Variants in TCF4 observed in about 807,000 individuals in gnomAD.
TCF4 encodes the protein transcription factor 4, also known as SL3-3 enhancer factor 2.
In TCF4, 3 loss-of-function variants were observed where a neutral mutation model predicts 82.1. The ratio of observed to expected loss-of-function variants is 0.04; its 90% confidence interval spans 0.02 to 0.09. TCF4 has a LOEUF of 0.09. Ranked by LOEUF, TCF4 falls within the 10% of genes least tolerant of loss-of-function variation. The probability of loss-of-function intolerance (pLI) is 1.00; values close to 1 mark genes in which losing one functional copy is unlikely to be tolerated. For missense variants in TCF4, 518 were observed against 852.7 expected, an observed-to-expected ratio of 0.61 and a Z score of 4.89; for synonymous variants, 276 against 309.6, an observed-to-expected ratio of 0.89 and a Z score of 1.14.
intron 6 of TCF4, among the ~76,000 whole-genome samples, chr18:55,391,300 G>A (rs1330894330): frequency 2.0e-5 from 3 of 152,046 alleles, no homozygotes; most frequent in African/African-American, 7.2e-5. Flanking sequence ...TGCAAGTTAA[G>A]GTGTATTCCC....
intron 3 of TCF4, among the ~76,000 whole-genome samples, chr18:55,538,759 A>C (rs577403804): frequency 1.3e-5 from 2 of 152,338 alleles, no homozygotes; most frequent in African/African-American, 4.8e-5. Flanking sequence ...ATGAACACCA[A>C]ATCACTCTTC....
At chr18:55,351,044 T>C in intron 6 of TCF4, 41 bp from the exon 7 acceptor site, 2 of 1,612,138 alleles carry the variant, frequency 1.2e-6, no homozygotes, top group Non-Finnish European at 1.7e-6. Context: ...TAAGGTTAAT[T>C]TTTTACTTTC....
chr18:55,349,442 A>C (rs2081883323), intron 8 of TCF4, among the ~76,000 whole-genome samples: 1 of 152,156 alleles, frequency 6.6e-6, no homozygotes, highest in South Asian at 2.1e-4. Flanking sequence ...AAGAAATCTA[A>C]ATATGATTTT....
At chr18:55,271,850 G>A (rs1353803206) in intron 10 of TCF4, among the ~76,000 whole-genome samples, 6 of 152,142 alleles carry the variant, frequency 3.9e-5, no homozygotes, top group Non-Finnish European at 7.4e-5. Context: ...TAACAAAATG[G>A]AGGAAAAGAA....
chr18:55,371,893 C>T (rs2089322570), intron 6 of TCF4, among the ~76,000 whole-genome samples: 4 of 152,132 alleles, frequency 2.6e-5, no homozygotes, highest in Admixed American at 2.6e-4. Context: ...GCTGCTTATA[C>T]ATAGCAGATG....
At chr18:55,502,925 AC>A (rs1365002336) in intron 3 of TCF4, among the ~76,000 whole-genome samples, 12 of 152,222 alleles carry the variant, frequency 7.9e-5, no homozygotes, top group Non-Finnish European at 1.3e-4. Context: ...GAGATATTCA[AC>A]CTTACAGTGG....
rs776916279 is a variant in TCF4, at chr18:55,327,215, G to A, written c.549+23144C>T. Among the ~76,000 whole-genome samples the A allele has an allele frequency of 3.3e-5, 5 of 151,736 alleles. No individual in the cohort carries two copies. In the East Asian group the frequency reaches 5.8e-4, roughly 18 times the overall value. ...TTAAATTTTTTTTCAATATACACAC[G>A]TATCTGGAGAAAATATTTATCTCAG... On this transcript the variant is annotated intron_variant, in intron 8 of 19. Transcript: ENST00000354452.
At chr18:55,477,311 G>A (rs2096311398) in intron 3 of TCF4, among the ~76,000 whole-genome samples, 1 of 152,200 alleles carries the variant, frequency 6.6e-6, no homozygotes. Flanking sequence ...AAAATTGGTA[G>A]ATGCCCTATA....
intron 3 of TCF4, among the ~76,000 whole-genome samples, chr18:55,570,835 T>C (rs979241463): frequency 5.3e-5 from 8 of 149,752 alleles, no homozygotes; most frequent in Admixed American, 5.3e-4. Flanking sequence ...TGAGCCGAGG[T>C]TGCAAAACTG....
At chr18:55,529,248 T>G (rs1328951744) in intron 3 of TCF4, among the ~76,000 whole-genome samples, 1 of 152,152 alleles carries the variant, frequency 6.6e-6, no homozygotes, top group Non-Finnish European at 1.5e-5. Flanking sequence ...AAACTAAATA[T>G]CTTATTCTTT....
intron 16 of TCF4, among the ~76,000 whole-genome samples, chr18:55,233,831 A>T (rs1765623419): frequency 6.6e-6 from 1 of 151,840 alleles, no homozygotes; most frequent in African/African-American, 2.4e-5. Flanking sequence ...AAAAAAAAAA[A>T]AAAAGTCCAT....
chr18:55,536,585 T>C (rs2097116728), intron 3 of TCF4, among the ~76,000 whole-genome samples: 1 of 152,208 alleles, frequency 6.6e-6, no homozygotes, highest in African/African-American at 2.4e-5. Context: ...GTATAGTTAT[T>C]AGAATGTTGC....
chr18:55,244,733 C>T (rs576829709), intron 15 of TCF4, among the ~76,000 whole-genome samples: 27 of 152,266 alleles, frequency 1.8e-4, no homozygotes, highest in Admixed American at 4.6e-4. Context: ...TAAACAAATA[C>T]CAGCTGTTTC....
chr18:55,507,753 T>G (rs1473782487), intron 3 of TCF4, among the ~76,000 whole-genome samples: 1 of 151,934 alleles, frequency 6.6e-6, no homozygotes. Flanking sequence ...CTTAATTGGG[T>G]GTGGATTGGG....
intron 8 of TCF4, among the ~76,000 whole-genome samples, chr18:55,290,191 C>G (rs1188091525): frequency 6.6e-6 from 1 of 152,182 alleles, no homozygotes; most frequent in Non-Finnish European, 1.5e-5. Context: ...ACCCTTTTCC[C>G]TTTGAATTCT....
chr18:55,448,959 A>G lies in TCF4; in HGVS notation c.304+12060T>C, dbSNP rs138385118. 6.8e-3 allele frequency among the ~76,000 whole-genome samples: 1,035 copies of G among 152,346 alleles called. 6 individuals are homozygous for G. The Middle Eastern group carries it at 0.068, about 10-fold the overall frequency. On this transcript the variant is annotated intron_variant, in intron 5 of 19. Transcript: ENST00000354452. ...GAGAAGGCAGCTTCTTTTATTCTCAATTGGTGTTCAAACTATACCTACGAC... is the reference window on the plus strand; with the variant it reads ...GAGAAGGCAGCTTCTTTTATTCTCAGTTGGTGTTCAAACTATACCTACGAC...
chr18:55,610,753 T>C (rs771014514), intron 2 of TCF4, among the ~76,000 whole-genome samples: 2 of 151,942 alleles, frequency 1.3e-5, no homozygotes, highest in Non-Finnish European at 2.9e-5. Flanking sequence ...TCTGGGAGAG[T>C]ACAATTTAAC....
chr18:55,319,259 A>G (rs192795666), intron 8 of TCF4, among the ~76,000 whole-genome samples: 1 of 152,356 alleles, frequency 6.6e-6, no homozygotes, highest in East Asian at 1.9e-4. Context: ...CATGGTATAT[A>G]CAATCTCCAC....
At chr18:55,604,982 A>G (rs1410487037) in intron 2 of TCF4, among the ~76,000 whole-genome samples, 1 of 152,202 alleles carries the variant, frequency 6.6e-6, no homozygotes, top group Non-Finnish European at 1.5e-5. Context: ...TTAGGTTATT[A>G]GAAGATTTCA....
Sources: allele counts gnomAD v4.1 joint callset (sites outside exome capture counted in the v4.1 genomes callset), GRCh38; gene constraint gnomAD v4.1.1; transcripts MANE v1.5; gene names NCBI Gene and HGNC (gene_info 2026-07-23, HGNC 2026-07-21).